RIMBP2: variants seen among roughly 807,000 people sequenced by gnomAD.
RIMBP2 encodes the protein RIMS-binding protein 2.
Under a neutral mutation model 118.6 loss-of-function variants are expected in RIMBP2, and 48 were observed. That is an observed-to-expected ratio of 0.40 (90% CI 0.32 to 0.51). The LOEUF is 0.51. Ranked by LOEUF, RIMBP2 falls within the 20% of genes least tolerant of loss-of-function variation. The pLI is 0.41. For missense variants in RIMBP2, 1,551 were observed against 1,768.3 expected, an observed-to-expected ratio of 0.88 and a Z score of 2.20; for synonymous variants, 762 against 742.9, an observed-to-expected ratio of 1.03 and a Z score of -0.42.
intron 2 of RIMBP2, among the ~76,000 whole-genome samples, chr12:130,535,740 T>C (rs1366905049): frequency 6.5e-4 from 8 of 12,372 alleles, no homozygotes; most frequent in African/African-American, 9.0e-4. Context: ...TATATATACA[T>C]ATATATATAT....
At chr12:130,514,157 T>TC (rs1158117135) in intron 3 of RIMBP2, among the ~76,000 whole-genome samples, 3 of 152,154 alleles carry the variant, frequency 2.0e-5, no homozygotes, top group Non-Finnish European at 2.9e-5. Flanking sequence ...GCAGGACAGA[T>TC]CTGGGGTGCC....
In RIMBP2 at chr12:130,710,993, A is replaced by C. The variant is rs1949878711; in HGVS notation, c.-352+5229T>G. On this transcript the variant is annotated intron_variant, in intron 1 of 22. Coordinates refer to ENST00000690449, the MANE Select transcript of RIMBP2 (RefSeq NM_001393629.1). The surrounding 1 kb of genome is among the most constrained non-coding windows in gnomAD (Gnocchi z 4.3). ...CACAGTGGCTCATGCCTGTAATCCT[A>C]GCATTTTGGGAGGCCAAGGTGGGCA... Among the ~76,000 whole-genome samples, 2 of 152,214 alleles carry C rather than the reference A, an allele frequency of 1.3e-5. No homozygotes were observed. Among genetic ancestry groups the C allele is most frequent in the South Asian group, 4.1e-4 (2 of 4,830 alleles).
intron 2 of RIMBP2, among the ~76,000 whole-genome samples, chr12:130,594,577 AT>A (rs1303566883): frequency 2.0e-5 from 3 of 152,216 alleles, no homozygotes; most frequent in African/African-American, 2.4e-5. Flanking sequence ...TTGCAAAAAA[AT>A]CTCATAGTGT....
Position 130,422,686 on chromosome 12 carries a change from G to A in RIMBP2, c.3130-125C>T. 2 of 679,092 alleles carry A rather than the reference G, an allele frequency of 2.9e-6. No homozygotes were observed. Among genetic ancestry groups the A allele is most frequent in the Non-Finnish European group, 5.1e-6 (2 of 392,078 alleles). 42.1% of individuals were successfully genotyped at this position (679,092 alleles called of 1,614,324 possible). On this transcript the variant is annotated intron_variant, in intron 16 of 22. Transcript: ENST00000690449. The surrounding 1 kb of genome is among the most constrained non-coding windows in gnomAD (Gnocchi z 5.2). ...AGGCAACTAAACTTAGCTTTTAACT[G>A]AAAGGTTAGCTGAATGGCCTGGGAG...
chr12:130,578,345 G>A lies in RIMBP2; in HGVS notation c.-217+49977C>T, dbSNP rs919331651. On this transcript the variant is annotated intron_variant, in intron 2 of 22. Coordinates refer to ENST00000690449, the MANE Select transcript of RIMBP2 (RefSeq NM_001393629.1). This position sits in a 1 kb window ranked among gnomAD's most constrained non-coding sequence, Gnocchi z 4.1. ...TTCTCAAGCATCATTCTGGATGGCT[G>A]CTGCTCTGCCCTAGAATCCAACATG... Among the ~76,000 whole-genome samples the A allele has an allele frequency of 6.6e-6, 1 of 152,178 alleles. No homozygotes were observed. Among genetic ancestry groups the A allele is most frequent in the Non-Finnish European group, 1.5e-5 (1 of 68,032 alleles).
intron 5 of RIMBP2, among the ~76,000 whole-genome samples, chr12:130,473,983 G>A (rs1266902846): frequency 2.6e-5 from 4 of 152,220 alleles, no homozygotes; most frequent in African/African-American, 9.6e-5. Flanking sequence ...AATCGGTCAA[G>A]TCTGCGGATG....
chr12:130,522,422 C>T (rs907079602), intron 2 of RIMBP2, among the ~76,000 whole-genome samples: 1 of 152,356 alleles, frequency 6.6e-6, no homozygotes, highest in Middle Eastern at 3.4e-3. Context: ...CCCTGTCCCT[C>T]CTGCGGGTGC....
intron 2 of RIMBP2, among the ~76,000 whole-genome samples, chr12:130,587,404 C>T (rs1474870163): frequency 1.3e-5 from 1 of 76,712 alleles, no homozygotes; most frequent in Non-Finnish European, 2.6e-5. Context: ...GCATTATTCA[C>T]AATAGCAAAG....
intron 2 of RIMBP2, among the ~76,000 whole-genome samples, chr12:130,567,693 C>T (rs763370055): frequency 3.9e-5 from 6 of 152,242 alleles, no homozygotes; most frequent in Non-Finnish European, 8.8e-5. Flanking sequence ...ATAGCAGCCA[C>T]AGCGGCCAAC....
intron 2 of RIMBP2, among the ~76,000 whole-genome samples, chr12:130,588,301 C>A (rs1456318412): frequency 6.6e-6 from 1 of 152,184 alleles, no homozygotes; most frequent in Non-Finnish European, 1.5e-5. Flanking sequence ...ATATCCACAT[C>A]CGGTCTGTTT....
intron 2 of RIMBP2, among the ~76,000 whole-genome samples, chr12:130,533,853 T>A (rs948498310): frequency 6.6e-6 from 1 of 152,100 alleles, no homozygotes; most frequent in Non-Finnish European, 1.5e-5. Flanking sequence ...CTAAACAGTG[T>A]CTCCACGTGG....
chr12:130,543,206 A>C (rs2139586833), intron 2 of RIMBP2, among the ~76,000 whole-genome samples: 1 of 152,328 alleles, frequency 6.6e-6, no homozygotes, highest in East Asian at 1.9e-4. Flanking sequence ...ACCCTTGTCA[A>C]CATCAGCATT....
chr12:130,453,030 G>A (rs768216442), intron 7 of RIMBP2, among the ~76,000 whole-genome samples: 9 of 152,146 alleles, frequency 5.9e-5, no homozygotes, highest in African/African-American at 1.2e-4. Flanking sequence ...CAAACACCGC[G>A]CTCTCTCATG....
chr12:130,675,965 G>C lies in RIMBP2; in HGVS notation c.-352+40257C>G, dbSNP rs147661983. ...GACGCCACGAGAGCTAGAGTGTGGG[G>C]CTCTCACGATGGCATTAGCGCGCCA... On this transcript the variant is annotated intron_variant, in intron 1 of 22. Transcript: ENST00000690449. Among the ~76,000 whole-genome samples the C allele has an allele frequency of 4.4e-3, 669 of 152,328 alleles. 4 individuals carry two copies. Among genetic ancestry groups the C allele is most frequent in the African/African-American group, 0.015 (627 of 41,580 alleles).
chr12:130,610,261 C>T (rs59209664), intron 2 of RIMBP2, among the ~76,000 whole-genome samples: 7,628 of 152,160 alleles, frequency 0.05, 431 homozygotes, highest in South Asian at 0.22. Context: ...CGGTCCCTCC[C>T]GTTCTGGGGC....
chr12:130,414,269 A>G lies in RIMBP2; in HGVS notation c.3276T>C (p.Tyr1092=), dbSNP rs184380530. The change falls in exon 18 of 23, where the codon TAT becomes TAC. Residue 1092 remains tyrosine, a synonymous_variant. Transcript: ENST00000690449. ...YGRDRLSPDF[Y]EESETDPGAE... ...CACCAGGGTCAGTTTCTGACTCTTC[A>G]TAGAAGTCTGGAGAAAGGCGGTCTC... is the stretch of plus-strand genomic sequence containing the variant. 19 of 1,609,898 alleles carry G rather than the reference A, an allele frequency of 1.2e-5. No individual in the cohort carries two copies. In the East Asian group the frequency reaches 1.3e-4, roughly 11 times the overall value.
At chr12:130,573,389 CGCGCGTGTGTGTGCGACTGT>C in intron 2 of RIMBP2, among the ~76,000 whole-genome samples, 1 of 98,934 alleles carries the variant, frequency 1.0e-5, no homozygotes, top group East Asian at 2.5e-4. Context: ...GATAAGTGTT[CGCGCGTGTGTGTGCGACTGT>C]GTGCGTGTGA....
In RIMBP2 at chr12:130,442,882, A is replaced by AT. The variant is rs1021503740; in HGVS notation, c.692-223dup. Among the ~76,000 whole-genome samples, 27 of 151,428 alleles carry AT rather than the reference A, an allele frequency of 1.8e-4. No homozygotes were observed. Among genetic ancestry groups the AT allele is most frequent in the African/African-American group, 6.4e-4 (26 of 40,774 alleles). On this transcript the variant is annotated intron_variant, in intron 10 of 22. Coordinates refer to ENST00000690449, the MANE Select transcript of RIMBP2 (RefSeq NM_001393629.1). This position sits in a 1 kb window ranked among gnomAD's most constrained non-coding sequence, Gnocchi z 6.9. ...GTGGCCCAGTCTTCTTTTCTCCATG[A>AT]TACTTATCGCAACCTGAAACCATCA...
At chr12:130,412,880 T>C in intron 18 of RIMBP2, 93 bp from the exon 19 acceptor site, 1 of 1,180,708 alleles carries the variant, frequency 8.5e-7, no homozygotes, top group African/African-American at 1.5e-5. Context: ...TAGTCGAAAA[T>C]ATATTTTAAA....
Sources: allele counts gnomAD v4.1 joint callset (sites outside exome capture counted in the v4.1 genomes callset), GRCh38; gene constraint gnomAD v4.1.1; non-coding constraint Gnocchi (gnomAD v3.1); transcripts MANE v1.5; gene names NCBI Gene and HGNC (gene_info 2026-07-23, HGNC 2026-07-21).